Variants in PRRC2C observed in about 807,000 individuals in gnomAD.
PRRC2C encodes proline rich coiled-coil 2C.
PRRC2C carries 72 observed loss-of-function variants against 317.2 expected under a neutral mutation model. The observed-to-expected ratio is 0.23, with a 90% confidence interval of 0.19 to 0.28. The LOEUF (loss-of-function observed/expected upper bound fraction) is 0.28. PRRC2C is among the 10% of genes least tolerant of loss of function. The pLI is 1.00. For synonymous variants in PRRC2C, 1,296 were observed against 1,205.9 expected, an observed-to-expected ratio of 1.07 and a Z score of -1.55; for missense variants, 3,074 against 3,459.7, an observed-to-expected ratio of 0.89 and a Z score of 2.80.
At chr1:171,506,820 AT>A (rs1272929931) in intron 1 of PRRC2C, among the ~76,000 whole-genome samples, 1 of 149,352 alleles carries the variant, frequency 6.7e-6, no homozygotes, top group African/African-American at 2.5e-5. Context: ...CAATTGGTGT[AT>A]TTTTTTCTCT....
chr1:171,488,197 A>C (rs1364274279), intron 1 of PRRC2C, among the ~76,000 whole-genome samples: 1 of 152,250 alleles, frequency 6.6e-6, no homozygotes, highest in Non-Finnish European at 1.5e-5. Flanking sequence ...ACAAGAATTG[A>C]TCATTGGTAA....
chr1:171,560,098 G>C (rs907830541), intron 19 of PRRC2C, among the ~76,000 whole-genome samples: 1 of 152,168 alleles, frequency 6.6e-6, no homozygotes, highest in African/African-American at 2.4e-5. Context: ...TCTTCTGATG[G>C]ATCTGGGCAA....
intron 18 of PRRC2C, among the ~76,000 whole-genome samples, chr1:171,550,522 G>A (rs1679998156): frequency 6.7e-6 from 1 of 149,068 alleles, no homozygotes; most frequent in Admixed American, 6.7e-5. Flanking sequence ...CAACATGCAG[G>A]TTTGTTACAT....
chr1:171,524,774 A>G (rs546006751), intron 9 of PRRC2C, 47 bp from the exon 10 acceptor site: 1 of 1,496,626 alleles, frequency 6.7e-7, no homozygotes, highest in Admixed American at 2.6e-5. Context: ...GTGTGTACTT[A>G]TGATACAGTT....
intron 15 of PRRC2C, 56 bp downstream of exon 15, chr1:171,537,529 C>T: frequency 1.4e-6 from 2 of 1,428,098 alleles, no homozygotes; most frequent in Non-Finnish European, 9.6e-7. Flanking sequence ...AAAAGGAAAA[C>T]TGTGTAGTGT....
At chr1:171,517,428 C>CT (rs1240650863) in intron 5 of PRRC2C, among the ~76,000 whole-genome samples, 163 bp from the exon 6 acceptor site, 1 of 152,128 alleles carries the variant, frequency 6.6e-6, no homozygotes, top group East Asian at 1.9e-4. Context: ...TTGGAAGCCA[C>CT]TACTACGCAA....
At position 171,557,340 on chromosome 1, in the gene PRRC2C, A is replaced by T; in HGVS notation, c.5228A>T (p.Gln1743Leu). 7 of 1,551,988 alleles carry T rather than the reference A, an allele frequency of 4.5e-6. No individual in the cohort carries two copies. Among genetic ancestry groups the T allele is most frequent in the Non-Finnish European group, 5.2e-6 (6 of 1,147,036 alleles). ...KKQATGIQQA[Q>L]SSASVPPLAS... Reference sequence around the variant, plus strand: ...CAGGCTACAGGGATCCAGCAAGCACAGTCTTCAGCCTCAGTTCCACCTCTA... The same window carrying T: ...CAGGCTACAGGGATCCAGCAAGCACTGTCTTCAGCCTCAGTTCCACCTCTA... Residue 1743 changes from glutamine (Q) to leucine (L), a missense_variant, in exon 19 of 35, where the codon CAG (glutamine) becomes CTG (leucine). Physicochemically the swap from Gln to Leu is moderately radical, Grantham distance 113. Around this residue, in one of 11 missense-constraint regions of PRRC2C, gnomAD observed 640 missense variants for 676.1 expected, o/e 0.95. Transcript: ENST00000647382.
At position 171,523,185 on chromosome 1, in the gene PRRC2C, A is replaced by G. The variant is rs530372026; in HGVS notation, c.834-36A>G. ...GTATTCTCCCAGTTTAGTATCATAA[A>G]CTTTTGTATCTTTTCCATGACCTGC... On this transcript the variant is annotated intron_variant, in intron 7 of 34. Transcript: ENST00000647382. 1.2e-5 allele frequency: 18 copies of G among 1,557,458 alleles called. No individual in the cohort carries two copies. In the African/African-American group the frequency reaches 2.1e-4, roughly 18 times the overall value.
intron 18 of PRRC2C, among the ~76,000 whole-genome samples, chr1:171,557,038 A>G (rs951537874): frequency 6.6e-6 from 1 of 152,186 alleles, no homozygotes; most frequent in South Asian, 2.1e-4. Flanking sequence ...AAGAATGTAC[A>G]ATACCTATTT....
At chr1:171,527,486 G>T (rs145620962) in intron 10 of PRRC2C, among the ~76,000 whole-genome samples, 1 of 151,650 alleles carries the variant, frequency 6.6e-6, no homozygotes, top group African/African-American at 2.4e-5. Flanking sequence ...AGCTGGTGTG[G>T]TGGCTCACAT....
In PRRC2C at chr1:171,581,669, GT is replaced by G. The variant is rs534970997; in HGVS notation, c.7409+1708del. Among the ~76,000 whole-genome samples the G allele has an allele frequency of 3.3e-5, 5 of 152,226 alleles. No individual in the cohort carries two copies. In the South Asian group the frequency reaches 1.0e-3, roughly 32 times the overall value. On this transcript the variant is annotated intron_variant, in intron 28 of 34. Coordinates refer to ENST00000647382, the MANE Select transcript of PRRC2C (RefSeq NM_001387844.1). ...TGTTTATTAGGGAATCTCTGAACTGGTTTCTGCAAAGACAGGATAGTTTATA... is the reference window on the plus strand; with the variant it reads ...TGTTTATTAGGGAATCTCTGAACTGGTTCTGCAAAGACAGGATAGTTTATA...
In PRRC2C at chr1:171,577,771, ATTTTTTT is replaced by A. The variant is rs1553245738; in HGVS notation, c.7159+152_7159+158del. 91 of 299,950 alleles carry A rather than the reference ATTTTTTT, an allele frequency of 3.0e-4. 2 individuals are homozygous for A. The highest frequency in any genetic ancestry group is 3.9e-4 in the Non-Finnish European group (75 of 189,886). 18.6% of individuals were successfully genotyped at this position (299,950 alleles called of 1,614,324 possible). On this transcript the variant is annotated intron_variant, in intron 26 of 34. Transcript: ENST00000647382. ...CATTGCTGTAAATATTTAAATTCGC[ATTTTTTT>A]TTTTTTTTTTTTTTTTTGAGATGGT...
intron 6 of PRRC2C, among the ~76,000 whole-genome samples, chr1:171,518,834 A>T (rs1397591123): frequency 2.0e-5 from 3 of 150,562 alleles, no homozygotes; most frequent in African/African-American, 7.3e-5. Context: ...AATTTTAAAC[A>T]TGTACAAAAA....
intron 27 of PRRC2C, 47 bp from the exon 28 acceptor site, chr1:171,579,781 G>A (rs983372213): frequency 6.7e-6 from 10 of 1,487,200 alleles, no homozygotes; most frequent in South Asian, 1.5e-5. Context: ...TGATTTATCT[G>A]TATGATGTTG....
Position 171,568,301 on chromosome 1 carries a change from A to G in PRRC2C, c.6613A>G (p.Thr2205Ala), listed in dbSNP as rs779003770. ...PSSSLPNTVATNNTKMEDTLV... is the reference protein window; with the variant it reads ...PSSSLPNTVAANNTKMEDTLV... ...TTCTTCTTTGCCTAACACCGTGGCT[A>G]CTAATAATACAAAGATGGAGGATAC... is the stretch of plus-strand genomic sequence containing the variant. Residue 2205 changes from threonine (T) to alanine (A), a missense_variant, in exon 23 of 35, where the codon ACT becomes GCT. Thr to Ala is a moderately conservative substitution (Grantham distance 58). This residue lies in a region of PRRC2C where 640 missense variants were observed against 676.1 expected (regional missense o/e 0.95). Transcript: ENST00000647382. 2.2e-5 allele frequency: 36 copies of G among 1,609,204 alleles called. 1 individual carries two copies. Among genetic ancestry groups the G allele is most frequent in the East Asian group, 2.0e-4 (9 of 44,816 alleles).
chr1:171,557,221 T>G lies in PRRC2C; in HGVS notation c.5128-19T>G. On this transcript the variant is annotated intron_variant, in intron 18 of 34. Transcript: ENST00000647382. ...TCAGCTGCATTATTGACAAAAATGGTCCCCGTTAATTTTTTAAGGTCTGGA... is the reference window on the plus strand; with the variant it reads ...TCAGCTGCATTATTGACAAAAATGGGCCCCGTTAATTTTTTAAGGTCTGGA... 1 of 1,521,576 alleles carries G rather than the reference T, an allele frequency of 6.6e-7. No homozygotes were observed. The highest frequency in any genetic ancestry group is 8.8e-7 in the Non-Finnish European group (1 of 1,133,770). 94.3% of individuals were successfully genotyped at this position (1,521,576 alleles called of 1,614,324 possible).
intron 1 of PRRC2C, among the ~76,000 whole-genome samples, chr1:171,502,607 A>G (rs893417222): frequency 1.3e-5 from 2 of 152,192 alleles, no homozygotes; most frequent in Non-Finnish European, 2.9e-5. Context: ...GTATTTTCAT[A>G]ACATATCCTA....
intron 30 of PRRC2C, among the ~76,000 whole-genome samples, chr1:171,586,774 G>A (rs932597344): frequency 1.4e-4 from 21 of 150,632 alleles, no homozygotes; most frequent in African/African-American, 4.9e-4. Context: ...TTTTAGTAGA[G>A]ACAGGGTTTC....
chr1:171,555,430 G>T (rs1326700871), intron 18 of PRRC2C, among the ~76,000 whole-genome samples: 1 of 152,156 alleles, frequency 6.6e-6, no homozygotes, highest in Non-Finnish European at 1.5e-5. Flanking sequence ...GCTCAGAGAA[G>T]TTTGTTATTA....
Sources: allele counts gnomAD v4.1 joint callset (sites outside exome capture counted in the v4.1 genomes callset), GRCh38; gene constraint gnomAD v4.1.1; regional missense constraint gnomAD v4.1.1; transcripts MANE v1.5; gene names NCBI Gene and HGNC (gene_info 2026-07-23, HGNC 2026-07-21).